Variants in CACNA1S observed in about 807,000 individuals in gnomAD.
CACNA1S encodes calcium voltage-gated channel subunit alpha1 S, also known as voltage-dependent L-type calcium channel subunit alpha-1S.
Under a neutral mutation model 207.4 loss-of-function variants are expected in CACNA1S, and 126 were observed. The ratio of observed to expected loss-of-function variants is 0.61; its 90% confidence interval spans 0.53 to 0.70. The LOEUF (loss-of-function observed/expected upper bound fraction) is 0.70. Among genes scored for constraint, CACNA1S ranks in the 30% least tolerant of loss-of-function variants. The pLI is 0.00. For synonymous variants in CACNA1S, 960 were observed against 932.7 expected (o/e 1.03, Z -0.53); for missense variants, 2,349 against 2,422.8 (o/e 0.97, Z 0.64).
chr1:201,059,338 G>T (rs73075033), intron 26 of CACNA1S, 39 bp from the exon 27 acceptor site: 2 of 1,380,836 alleles, frequency 1.4e-6, no homozygotes, highest in South Asian at 2.4e-5. Flanking sequence ...CAGGGGGGCC[G>T]GGTTTGCCCA....
At chr1:201,100,827 T>C (rs1409397182) in intron 2 of CACNA1S, among the ~76,000 whole-genome samples, 2 of 152,174 alleles carry the variant, frequency 1.3e-5, no homozygotes, top group Non-Finnish European at 2.9e-5. Flanking sequence ...TGCATACATT[T>C]AATCCTCACT....
In CACNA1S at chr1:201,112,392, T is replaced by C; in HGVS notation, c.-53A>G. ...TGCTCCCCCACCCCAGTGCTTTCCC[T>C]TCCCTGTGTCCCCAATGCCCCCGCC... On this transcript the variant is annotated 5_prime_UTR_variant, in exon 1 of 44. Coordinates refer to ENST00000362061, the MANE Select transcript of CACNA1S (RefSeq NM_000069.3). 6.2e-7 allele frequency: 1 copy of C among 1,609,186 alleles called. No homozygotes were observed. Among genetic ancestry groups the C allele is most frequent in the Non-Finnish European group, 8.5e-7 (1 of 1,177,944 alleles).
chr1:201,062,479 C>T lies in CACNA1S; in HGVS notation c.2889G>A (p.Met963Ile). 6.2e-7 allele frequency: 1 copy of T among 1,601,496 alleles called. No individual in the cohort carries two copies. Among genetic ancestry groups the T allele is most frequent in the Non-Finnish European group, 8.5e-7 (1 of 1,172,200 alleles). Residue 963 changes from methionine to isoleucine, a missense_variant, in exon 23 of 44, where the codon ATG becomes ATA. Physicochemically the swap from Met to Ile is conservative, Grantham distance 10. Coordinates refer to ENST00000362061, the MANE Select transcript of CACNA1S (RefSeq NM_000069.3). The stretch of plus-strand genomic sequence containing the variant: ...CCATGTACCTGCACTCCTCCTCTGT[C>T]ATCTTGGACAAGTCGGTGCACCTGA... ...KFFRCTDLSK[M>I]TEEECRGYYY...
intron 16 of CACNA1S, among the ~76,000 whole-genome samples, chr1:201,071,282 A>T (rs1389893572): frequency 6.6e-6 from 1 of 152,046 alleles, no homozygotes; most frequent in East Asian, 1.9e-4. Context: ...GGGGTTCTCA[A>T]ATCCACCAAG....
intron 22 of CACNA1S, among the ~76,000 whole-genome samples, chr1:201,063,844 C>T (rs1370631682): frequency 6.6e-6 from 1 of 152,176 alleles, no homozygotes; most frequent in Non-Finnish European, 1.5e-5. Context: ...GTGGATAGAG[C>T]TGCCACTGGG....
chr1:201,048,134 G>C (rs905615685), intron 36 of CACNA1S, among the ~76,000 whole-genome samples: 1 of 152,292 alleles, frequency 6.6e-6, no homozygotes, highest in African/African-American at 2.4e-5. Context: ...CAAGGGCTCA[G>C]AGACAATACT....
intron 27 of CACNA1S, 87 bp downstream of exon 27, chr1:201,059,102 G>A: frequency 2.4e-6 from 2 of 838,842 alleles, no homozygotes; most frequent in Non-Finnish European, 4.0e-6. Flanking sequence ...AGCCCTGATA[G>A]GATGAGGGAT....
intron 10 of CACNA1S, among the ~76,000 whole-genome samples, chr1:201,078,700 T>A (rs1337885716): frequency 6.6e-6 from 1 of 152,108 alleles, no homozygotes; most frequent in Non-Finnish European, 1.5e-5. Flanking sequence ...GCCACCTACC[T>A]GAAGCCAATC....
chr1:201,080,423 G>A (rs1661801195), intron 10 of CACNA1S, among the ~76,000 whole-genome samples: 1 of 151,922 alleles, frequency 6.6e-6, no homozygotes, highest in Non-Finnish European at 1.5e-5. Flanking sequence ...TCCACATTTG[G>A]TCATTGACAG....
rs138735817 is a variant in CACNA1S at position 201,083,225 on chromosome 1, G to A, written c.1330C>T (p.Leu444Phe). ...FYWLVILIVA[L>F]NTLSIASEHH... Reference sequence around the variant, plus strand: ...TCTGAGGCGATAGACAGGGTGTTGAGGGCAACGATGAGAATCACCAGCCAA... The same window carrying A: ...TCTGAGGCGATAGACAGGGTGTTGAAGGCAACGATGAGAATCACCAGCCAA... The change falls in exon 10 of 44, where the codon CTC becomes TTC. Residue 444 changes from leucine to phenylalanine, a missense_variant. By Grantham distance (22) the Leu-to-Phe change is conservative. Transcript: ENST00000362061. The A allele has an allele frequency of 3.7e-6, 6 of 1,614,170 alleles. No homozygotes were observed. Among genetic ancestry groups the A allele is most frequent in the Non-Finnish European group, 4.2e-6 (5 of 1,180,018 alleles).
At position 201,060,666 on chromosome 1, in the gene CACNA1S, C is replaced by T. The variant is rs145039828; in HGVS notation, c.3406G>A (p.Gly1136Ser). Residue 1136 changes from glycine to serine, a missense_variant, in exon 26 of 44, where the codon GGC becomes AGC. Coordinates refer to ENST00000362061, the MANE Select transcript of CACNA1S (RefSeq NM_000069.3). ...TCCTGGGGAGCCCTTACCTGCATGC[C>T]GAGGCAGATGGTGTTGAGCATGATG... The part of the protein sequence containing the change: ...ALIMLNTICL[G>S]MQHYNQSEQM... The T allele has an allele frequency of 4.7e-5, 76 of 1,613,984 alleles. No homozygotes were observed. Among genetic ancestry groups the T allele is most frequent in the South Asian group, 2.4e-4 (22 of 91,078 alleles).
Position 201,090,033 on chromosome 1 carries a change from C to T in CACNA1S, c.695-570G>A, listed in dbSNP as rs561814400. Among the ~76,000 whole-genome samples the T allele has an allele frequency of 3.9e-5, 6 of 152,374 alleles. No homozygotes were observed. In the South Asian group the frequency reaches 6.2e-4, roughly 16 times the overall value. On this transcript the variant is annotated intron_variant, in intron 5 of 43. Transcript: ENST00000362061. The stretch of plus-strand genomic sequence containing the variant: ...CTCTAAAATCCTGTACTTCTGATGA[C>T]ATCCTGCATCTCCTTTTATCTTAGG...
intron 12 of CACNA1S, among the ~76,000 whole-genome samples, chr1:201,076,600 G>A (rs559148912): frequency 6.6e-6 from 1 of 152,324 alleles, no homozygotes; most frequent in Non-Finnish European, 1.5e-5. Context: ...GACCTGAGTG[G>A]CACATGAAAG....
At chr1:201,073,412 C>T (rs979763378) in intron 15 of CACNA1S, 137 bp downstream of exon 15, 44 of 785,696 alleles carry the variant, frequency 5.6e-5, no homozygotes, top group Middle Eastern at 3.3e-4. Flanking sequence ...TCCAGTCGTA[C>T]GCAGGGAGAT....
At position 201,062,523 on chromosome 1, in the gene CACNA1S, AGG is replaced by A. The variant is rs780065077; in HGVS notation, c.2854-11_2854-10del. On this transcript the variant is annotated splice_polypyrimidine_tract_variant and intron_variant, in intron 22 of 43. Transcript: ENST00000362061. ...CACCTGAAGAACTTCCCCTGCAGCC[AGG>A]AAGAGGGAGGGAGGGAGGGAGGCAT... 1.0e-5 allele frequency: 12 copies of A among 1,153,328 alleles called. No homozygotes were observed. In the South Asian group the frequency reaches 1.3e-4, roughly 13 times the overall value. The allele number at this position is 1,153,328 out of a possible 1,614,324, so 71.4% of individuals were successfully genotyped here. A position where few individuals can be genotyped will look rare whatever the true frequency, so the allele number is the denominator to read the frequency against.
chr1:201,066,982 G>A lies in CACNA1S; in HGVS notation c.2562C>T (p.Tyr854=), dbSNP rs373510147. 63 of 1,613,330 alleles carry A rather than the reference G, an allele frequency of 3.9e-5. No individual in the cohort carries two copies. Among genetic ancestry groups the A allele is most frequent in the Non-Finnish European group, 4.5e-5 (53 of 1,179,310 alleles). Reference sequence around the variant, plus strand: ...AGGAACCCTTGTGCAGGAAGGCTCCGTAGGTCGTCATCTGGGGAGAAAGAG... The same window carrying A: ...AGGAACCCTTGTGCAGGAAGGCTCCATAGGTCGTCATCTGGGGAGAAAGAG... The part of the protein sequence containing the change: ...TVEIVLKMTT[Y]GAFLHKGSFC... Residue 854 remains tyrosine, a synonymous_variant, in exon 20 of 44, where the codon TAC becomes TAT. Coordinates refer to ENST00000362061, the MANE Select transcript of CACNA1S (RefSeq NM_000069.3). This position sits in a 1 kb window ranked among gnomAD's most constrained non-coding sequence, Gnocchi z 4.3.
Position 201,066,829 on chromosome 1 carries a change from G to A in CACNA1S, c.2657+58C>T, listed in dbSNP as rs1661259913. 40 of 1,317,368 alleles carry A rather than the reference G, an allele frequency of 3.0e-5. No homozygotes were observed. In the Middle Eastern group the frequency reaches 1.8e-3, roughly 59 times the overall value. 81.6% of individuals were successfully genotyped at this position (1,317,368 alleles called of 1,614,324 possible). On this transcript the variant is annotated intron_variant, in intron 20 of 43. Transcript: ENST00000362061. This position sits in a 1 kb window ranked among gnomAD's most constrained non-coding sequence, Gnocchi z 4.3. ...ACATGGGTGGGACTCCCACTACAAA[G>A]CCCTGGCACAGAGCAGAGGGTGGTC...
At chr1:201,091,879 T>C (rs1057066848) in intron 4 of CACNA1S, 87 bp from the exon 5 acceptor site, 7 of 1,599,388 alleles carry the variant, frequency 4.4e-6, no homozygotes, top group Non-Finnish European at 6.0e-6. Flanking sequence ...GGGAAGCCCC[T>C]GAGATGTCAA....
Position 201,044,319 on chromosome 1 carries a change from C to G in CACNA1S, c.4797+9G>C. 3 of 1,613,284 alleles carry G rather than the reference C, an allele frequency of 1.9e-6. No homozygotes were observed. In the South Asian group the frequency reaches 3.3e-5, roughly 18 times the overall value. On this transcript the variant is annotated intron_variant, in intron 39 of 43. Coordinates refer to ENST00000362061, the MANE Select transcript of CACNA1S (RefSeq NM_000069.3). ...TAGACCACTAGGGGTGCTCCTGGCTCTCCCTCACCCGGAATATTCCCTCCT... is the reference window on the plus strand; with the variant it reads ...TAGACCACTAGGGGTGCTCCTGGCTGTCCCTCACCCGGAATATTCCCTCCT...
Sources: allele counts gnomAD v4.1 joint callset (sites outside exome capture counted in the v4.1 genomes callset), GRCh38; gene constraint gnomAD v4.1.1; non-coding constraint Gnocchi (gnomAD v3.1); transcripts MANE v1.5; gene names NCBI Gene and HGNC (gene_info 2026-07-23, HGNC 2026-07-21).